The following ZFHX3 variants were observed in gnomAD, a reference collection of about 807,000 sequenced individuals.
ZFHX3 encodes the protein zinc finger homeobox 3, also known as zinc finger homeobox protein 3.
A neutral mutation model predicts 279.1 loss-of-function variants in ZFHX3; 42 were observed. The ratio of observed to expected loss-of-function variants is 0.15; its 90% CI spans 0.12 to 0.19. The LOEUF (loss-of-function observed/expected upper bound fraction) is 0.19, where lower values mean the gene tolerates loss of function less well. ZFHX3 is among the 10% of genes least tolerant of loss of function. The pLI is 1.00. For missense variants in ZFHX3, 4,981 were observed against 4,754.0 expected, an observed-to-expected ratio of 1.05 and a Z score of -1.40; for synonymous variants, 2,293 against 1,957.8, an observed-to-expected ratio of 1.17 and a Z score of -4.52.
rs1331664725 is a variant in ZFHX3 at position 72,829,863 on chromosome 16, A to C, written c.3449-4T>G. ...TCAACATCTTCAATGGCTTCTTCTG[A>C]AACAGAAGAAAAACATGTCAAGGGT... On this transcript the variant is annotated splice_polypyrimidine_tract_variant and splice_region_variant and intron_variant, in intron 4 of 9. Coordinates refer to ENST00000268489, the MANE Select transcript of ZFHX3 (RefSeq NM_006885.4). The C allele has an allele frequency of 1.9e-6, 3 of 1,614,106 alleles. No individual in the cohort carries two copies. The highest frequency in any genetic ancestry group is 8.5e-7 in the Non-Finnish European group (1 of 1,179,956).
chr16:73,715,009 T>C (rs1171234810), intron 1 of ZFHX3, among the ~76,000 whole-genome samples: 11 of 152,220 alleles, frequency 7.2e-5, no homozygotes, highest in Non-Finnish European at 1.6e-4. Flanking sequence ...AAATGCTTCC[T>C]TTTTCTCTGC....
chr16:73,887,745 T>C (rs895959446), intron 1 of ZFHX3, among the ~76,000 whole-genome samples: 2 of 152,200 alleles, frequency 1.3e-5, no homozygotes, highest in Non-Finnish European at 2.9e-5. Context: ...ACACACACTT[T>C]TTTTTGTTAA....
chr16:72,817,250 A>G (rs772382605), intron 5 of ZFHX3, among the ~76,000 whole-genome samples: 1 of 152,218 alleles, frequency 6.6e-6, no homozygotes, highest in Non-Finnish European at 1.5e-5. Context: ...TGTGATCCCA[A>G]TCTTTGCTAA....
rs1199777238 is a variant in ZFHX3, at chr16:73,236,376, T to C, written c.-1104+20671A>G. On this transcript the variant is annotated intron_variant, in intron 5 of 17. Coordinates refer to the ZFHX3 transcript ENST00000641206. ...CCTTTGCAAGGCCGAGGCAGGTGGATCGCTTGAGATCAGGAGTTGGAGACC... is the reference window on the plus strand; with the variant it reads ...CCTTTGCAAGGCCGAGGCAGGTGGACCGCTTGAGATCAGGAGTTGGAGACC... Among the ~76,000 whole-genome samples, 37 of 152,138 alleles carry C rather than the reference T, an allele frequency of 2.4e-4. 1 individual carries two copies. Among genetic ancestry groups the C allele is most frequent in the Non-Finnish European group, 4.4e-4 (30 of 68,026 alleles).
chr16:73,033,986 C>A (rs1156647893), intron 1 of ZFHX3, among the ~76,000 whole-genome samples: 1 of 152,142 alleles, frequency 6.6e-6, no homozygotes, highest in East Asian at 1.9e-4. Context: ...TAGAAGCCAG[C>A]AGACAGTTCT....
intron 2 of ZFHX3, among the ~76,000 whole-genome samples, chr16:73,539,253 C>A (rs1304230473): frequency 6.6e-6 from 1 of 151,764 alleles, no homozygotes; most frequent in African/African-American, 2.4e-5. Context: ...CCTATCCCTG[C>A]ATTCAAGCCA....
At chr16:73,184,846 C>G (rs573797943) in intron 5 of ZFHX3, among the ~76,000 whole-genome samples, 1 of 152,190 alleles carries the variant, frequency 6.6e-6, no homozygotes, top group Non-Finnish European at 1.5e-5. Flanking sequence ...TCAATTTTGA[C>G]CTGAAATTCA....
At chr16:73,764,388 G>A (rs1022364479) in intron 1 of ZFHX3, among the ~76,000 whole-genome samples, 3 of 152,142 alleles carry the variant, frequency 2.0e-5, no homozygotes, top group South Asian at 4.1e-4. Context: ...GAGAGATGCA[G>A]TGTGGAACAG....
intron 7 of ZFHX3, among the ~76,000 whole-genome samples, chr16:72,804,663 T>C (rs2036208181): frequency 6.6e-6 from 1 of 152,186 alleles, no homozygotes; most frequent in African/African-American, 2.4e-5. Flanking sequence ...GCACACCTTA[T>C]ACAGCCCGTG....
At chr16:73,397,836 G>A (rs1330481736) in intron 3 of ZFHX3, among the ~76,000 whole-genome samples, 1 of 151,990 alleles carries the variant, frequency 6.6e-6, no homozygotes, top group Non-Finnish European at 1.5e-5. Flanking sequence ...CAAGAGGCCT[G>A]TTTTGTTTTC....
chr16:73,533,723 T>C (rs912194979), intron 2 of ZFHX3, among the ~76,000 whole-genome samples: 1 of 152,180 alleles, frequency 6.6e-6, no homozygotes, highest in Non-Finnish European at 1.5e-5. Flanking sequence ...GCATTTCAGT[T>C]AATGGCAACT....
chr16:72,907,544 T>TG lies in ZFHX3; in HGVS notation c.3217-17583_3217-17582insC, dbSNP rs1491447801. Among the ~76,000 whole-genome samples, 152 of 130,950 alleles carry TG rather than the reference T, an allele frequency of 1.2e-3. 2 individuals carry two copies. The Middle Eastern group carries it at 0.024, about 21-fold the overall frequency. 85.9% of individuals were successfully genotyped at this position (130,950 alleles called of 152,430 possible). A position where few individuals can be genotyped will look rare whatever the true frequency, so the allele number is the denominator to read the frequency against. On this transcript the variant is annotated intron_variant, in intron 3 of 9. Transcript: ENST00000268489. Reference sequence around the variant, plus strand: ...TCTCGGTTTCCAAAGGTTTCCTCTATTTGTGTGTGTGTGTGTGTGTGTGTG... The same window carrying TG: ...TCTCGGTTTCCAAAGGTTTCCTCTATGTTGTGTGTGTGTGTGTGTGTGTGTG...
intron 4 of ZFHX3, among the ~76,000 whole-genome samples, chr16:72,875,619 C>T (rs1252073850): frequency 1.3e-5 from 2 of 152,216 alleles, no homozygotes; most frequent in East Asian, 1.9e-4. Flanking sequence ...CATAAAAATG[C>T]TGTGGAAAGT....
At chr16:73,288,126 T>G (rs1597264095) in intron 4 of ZFHX3, among the ~76,000 whole-genome samples, 2 of 113,200 alleles carry the variant, frequency 1.8e-5, no homozygotes, top group African/African-American at 3.4e-5. Flanking sequence ...AGGAGGAGGG[T>G]GGGGGTCTGG....
chr16:72,859,377 A>G (rs1340435344), intron 4 of ZFHX3, among the ~76,000 whole-genome samples: 1 of 152,074 alleles, frequency 6.6e-6, no homozygotes. Context: ...GTGGGTCTGG[A>G]TTTCTATGAC....
chr16:73,205,126 G>C (rs993439407), intron 5 of ZFHX3, among the ~76,000 whole-genome samples: 28 of 152,218 alleles, frequency 1.8e-4, no homozygotes, highest in Non-Finnish European at 3.1e-4. Flanking sequence ...CCTGATTGAT[G>C]GTCTGGACCA....
chr16:73,192,079 C>T (rs922098727), intron 5 of ZFHX3, among the ~76,000 whole-genome samples: 1 of 152,098 alleles, frequency 6.6e-6, no homozygotes, highest in African/African-American at 2.4e-5. Flanking sequence ...CTTCTTATTC[C>T]GAGGGGATCT....
At chr16:73,426,674 T>C (rs1243490526) in intron 3 of ZFHX3, among the ~76,000 whole-genome samples, 1 of 152,126 alleles carries the variant, frequency 6.6e-6, no homozygotes, top group Non-Finnish European at 1.5e-5. Flanking sequence ...AAAAAAAATA[T>C]GACGGCTGCA....
chr16:73,308,253 A>G (rs1363598698), intron 4 of ZFHX3, among the ~76,000 whole-genome samples: 5 of 46,162 alleles, frequency 1.1e-4, no homozygotes, highest in Non-Finnish European at 2.7e-4. Flanking sequence ...ATATATATAT[A>G]TATATATATA....
Sources: allele counts gnomAD v4.1 joint callset (sites outside exome capture counted in the v4.1 genomes callset), GRCh38; gene constraint gnomAD v4.1.1; transcripts MANE v1.5; gene names NCBI Gene and HGNC (gene_info 2026-07-23, HGNC 2026-07-21).